Variants in NMRK2 observed in about 807,000 individuals in gnomAD.
The protein encoded by NMRK2 is NRK 2.
A neutral mutation model predicts 24.7 loss-of-function variants in NMRK2; 34 were observed. The observed-to-expected ratio is 1.37, with a 90% CI of 1.05 to 1.83. The LOEUF (loss-of-function observed/expected upper bound fraction) is 1.83. Ranked by LOEUF, NMRK2 falls within the 40% of genes most tolerant of loss-of-function variation. The pLI, the probability that NMRK2 is intolerant of heterozygous loss-of-function variation, is 0.00. For missense variants in NMRK2, 341 were observed against 315.0 expected (o/e 1.08, Z -0.62); for synonymous variants, 145 against 125.6 (o/e 1.15, Z -1.03).
In NMRK2 at chr19:3,942,330, G is replaced by A; in HGVS notation, c.*57G>A. ...AGAGTGGAGGCCCCACTCCCAGTTG[G>A]GCGTCCCGGAGCTCAGGGACTGAGC... On this transcript the variant is annotated 3_prime_UTR_variant, in exon 8 of 8. Transcript: ENST00000168977. The A allele has an allele frequency of 6.7e-7, 1 of 1,501,070 alleles. No homozygotes were observed. Among genetic ancestry groups the A allele is most frequent in the Non-Finnish European group, 9.0e-7 (1 of 1,112,454 alleles). The allele number at this position is 1,501,070 out of a possible 1,614,324, so 93.0% of individuals were successfully genotyped here.
chr19:3,933,515 C>A lies in NMRK2; in HGVS notation c.-157C>A. ...GGTGCCGGCGCCTCCGCCCCATCCC[C>A]AGGGGCCGCCTCCCCCGGGGCGGCC... On this transcript the variant is annotated 5_prime_UTR_variant, in exon 2 of 8. Coordinates refer to ENST00000168977, the MANE Select transcript of NMRK2 (RefSeq NM_170678.3). 1.3e-6 allele frequency: 1 copy of A among 747,542 alleles called. No individual in the cohort carries two copies. The highest frequency in any genetic ancestry group is 2.0e-5 in the South Asian group (1 of 50,540). 46.3% of individuals were successfully genotyped at this position (747,542 alleles called of 1,614,324 possible). A position where few individuals can be genotyped will look rare whatever the true frequency, so the allele number is the denominator to read the frequency against.
intron 2 of NMRK2, among the ~76,000 whole-genome samples, chr19:3,934,309 G>A (rs867017881): frequency 2.0e-5 from 3 of 152,078 alleles, no homozygotes; most frequent in Non-Finnish European, 4.4e-5. Flanking sequence ...CTCCCGCCTC[G>A]TGGCTGTCCT....
Position 3,933,547 on chromosome 19 carries a change from C to A in NMRK2, c.-125C>A. On this transcript the variant is annotated 5_prime_UTR_variant, in exon 2 of 8. In the 5' UTR this introduces an upstream ATG that the reference lacks. Coordinates refer to ENST00000168977, the MANE Select transcript of NMRK2 (RefSeq NM_170678.3). ...CGCCTCCCCCGGGGCGGCCTCCAGG[C>A]TGCCGAGACCTATAAAGGCGCCAGG... 8.5e-7 allele frequency: 1 copy of A among 1,178,944 alleles called. No individual in the cohort carries two copies. The highest frequency in any genetic ancestry group is 1.1e-6 in the Non-Finnish European group (1 of 870,978). The allele number at this position is 1,178,944 out of a possible 1,614,324, so 73.0% of individuals were successfully genotyped here.
intron 7 of NMRK2, among the ~76,000 whole-genome samples, chr19:3,941,863 G>T (rs1413230814): frequency 6.6e-6 from 1 of 151,998 alleles, no homozygotes; most frequent in Non-Finnish European, 1.5e-5. Flanking sequence ...GGCTGGTTTC[G>T]AACTCCTGAC....
At chr19:3,933,757 G>T in intron 2 of NMRK2, 60 bp downstream of exon 2, 2 of 1,361,390 alleles carry the variant, frequency 1.5e-6, no homozygotes, top group Non-Finnish European at 1.9e-6. Context: ...TGCGCGCAGA[G>T]GGGGAGGCCC....
chr19:3,941,241 C>G, intron 7 of NMRK2, 64 bp downstream of exon 7: 1 of 821,832 alleles, frequency 1.2e-6, no homozygotes, highest in Non-Finnish European at 1.9e-6. Flanking sequence ...GGCCCAGCCC[C>G]TCTCCATCTT....
intron 5 of NMRK2, 107 bp from the exon 6 acceptor site, chr19:3,939,793 C>T: frequency 1.1e-6 from 1 of 931,718 alleles, no homozygotes; most frequent in South Asian, 1.5e-5. Context: ...CCAGACCACC[C>T]CATGTGCTCG....
intron 4 of NMRK2, 38 bp from the exon 5 acceptor site, chr19:3,938,565 G>A: frequency 6.6e-7 from 1 of 1,516,524 alleles, no homozygotes; most frequent in Non-Finnish European, 8.9e-7. Flanking sequence ...TATCCCCCAG[G>A]GTCTGCCCTC....
chr19:3,939,781 G>A, intron 5 of NMRK2, 119 bp from the exon 6 acceptor site: 1 of 806,760 alleles, frequency 1.2e-6, no homozygotes, highest in South Asian at 1.6e-5. Flanking sequence ...AAACTCACTG[G>A]CCCAGACCAC....
chr19:3,937,838 G>A (rs537268212), intron 4 of NMRK2, among the ~76,000 whole-genome samples: 27 of 54,440 alleles, frequency 5.0e-4, no homozygotes, highest in African/African-American at 6.6e-4. Context: ...CCCGGGGTCC[G>A]CCCTCCTGCA....
At chr19:3,936,331 C>A (rs1260405902) in intron 2 of NMRK2, among the ~76,000 whole-genome samples, 4 of 152,144 alleles carry the variant, frequency 2.6e-5, no homozygotes, top group African/African-American at 9.7e-5. Context: ...TTGCTTGAAC[C>A]CGGGAGGTAG....
chr19:3,936,665 G>C lies in NMRK2; in HGVS notation c.117G>C (p.Lys39Asn). The C allele has an allele frequency of 6.4e-7, 1 of 1,561,322 alleles. No individual in the cohort carries two copies. The change falls in exon 3 of 8, where the codon AAG (lysine) becomes AAC (asparagine). Residue 39 changes from lysine to asparagine, a missense_variant and splice_region_variant. Coordinates refer to ENST00000168977, the MANE Select transcript of NMRK2 (RefSeq NM_170678.3). Reference protein sequence around the residue: ...CCVIHQDDFFKPQDQIAVGED... With the variant: ...CCVIHQDDFFNPQDQIAVGED... ...TGATCCATCAGGATGACTTCTTCAA[G>C]GTGCCCGCCCTTGCCCGGGGAGGTG... is the stretch of plus-strand genomic sequence containing the variant.
intron 3 of NMRK2, 75 bp from the exon 4 acceptor site, chr19:3,937,165 T>TA (rs2039228125): frequency 6.7e-7 from 1 of 1,495,050 alleles, no homozygotes; most frequent in East Asian, 2.3e-5. Context: ...AGGGACCCCC[T>TA]AAGACTCCAT....
chr19:3,939,829 G>A, intron 5 of NMRK2, 71 bp from the exon 6 acceptor site: 1 of 1,393,472 alleles, frequency 7.2e-7, no homozygotes, highest in East Asian at 2.4e-5. Context: ...CAAGGCTGGG[G>A]GGTTGGATAT....
rs200114937 is a variant in NMRK2 at position 3,942,107 on chromosome 19, G to A, written c.527G>A (p.Arg176Gln). The A allele has an allele frequency of 4.6e-5, 75 of 1,613,242 alleles. No homozygotes were observed. In the African/African-American group the frequency reaches 6.7e-4, roughly 14 times the overall value. ...EVVYLDGMKS[R>Q]EELFREVLED... The stretch of plus-strand genomic sequence containing the variant: ...GTCTACCTGGACGGCATGAAGTCCC[G>A]AGAGGAGCTCTTCCGTGAAGTCCTG... Residue 176 changes from arginine to glutamine, a missense_variant, in exon 8 of 8, where the codon CGA (arginine) becomes CAA (glutamine). Transcript: ENST00000168977.
intron 4 of NMRK2, among the ~76,000 whole-genome samples, chr19:3,937,733 T>TC (rs1568179955): frequency 1.8e-5 from 1 of 55,298 alleles, no homozygotes. Flanking sequence ...CCCTCCACTA[T>TC]CCCCCGGGGT....
At chr19:3,936,868 C>G (rs1338490514) in intron 3 of NMRK2, among the ~76,000 whole-genome samples, 1 of 152,168 alleles carries the variant, frequency 6.6e-6, no homozygotes, top group Non-Finnish European at 1.5e-5. Flanking sequence ...TCCTAAGCAC[C>G]TATTTCATAC....
chr19:3,934,875 G>A (rs939022609), intron 2 of NMRK2, among the ~76,000 whole-genome samples: 9 of 151,608 alleles, frequency 5.9e-5, no homozygotes, highest in African/African-American at 2.2e-4. Context: ...GAGCCACCGT[G>A]CCCTGCCCCT....
chr19:3,942,068 C>G lies in NMRK2; in HGVS notation c.503-15C>G, dbSNP rs759333229. 6.2e-7 allele frequency: 1 copy of G among 1,609,888 alleles called. No individual in the cohort carries two copies. The highest frequency in any genetic ancestry group is 1.3e-5 in the African/African-American group (1 of 74,954). On this transcript the variant is annotated splice_polypyrimidine_tract_variant and intron_variant, in intron 7 of 7. Transcript: ENST00000168977. ...CTTCCTCCCGGCAGCCCTGACGCAG[C>G]CTTTCTGATTTCAGTCTACCTGGAC...
Sources: gnomAD v4.1 joint callset for allele counts (sites outside exome capture counted in the v4.1 genomes callset) on GRCh38, gnomAD v4.1.1 for gene constraint, MANE v1.5 for transcripts, NCBI Gene and HGNC (gene_info 2026-07-23, HGNC 2026-07-21) for gene names.